Variants in FERMT2 observed in about 807,000 individuals in gnomAD.
FERMT2 encodes FERM domain containing kindlin 2, also known as fermitin family homolog 2.
Under a neutral mutation model 82.7 loss-of-function variants are expected in FERMT2, and 15 were observed. That is an observed-to-expected ratio of 0.18 (90% confidence interval 0.12 to 0.28). The LOEUF is 0.28. Ranked by LOEUF, FERMT2 falls within the 10% of genes least tolerant of loss-of-function variation. The pLI, the probability that FERMT2 is intolerant of heterozygous loss-of-function variation, is 1.00. For missense variants in FERMT2, 645 were observed against 809.4 expected (o/e 0.80, Z 2.46); for synonymous variants, 274 against 271.5 (o/e 1.01, Z -0.09).
At chr14:52,860,539 A>G (rs748650959) in intron 12 of FERMT2, 74 bp from the exon 13 acceptor site, 43 of 1,385,456 alleles carry the variant, frequency 3.1e-5, no homozygotes, top group Non-Finnish European at 4.0e-5. Context: ...AAAGATCAAA[A>G]GATTGAATTA....
In FERMT2 at chr14:52,864,393, G is replaced by C. The variant is rs375366343; in HGVS notation, c.1602+8C>G. 3.8e-5 allele frequency: 60 copies of C among 1,592,638 alleles called. No homozygotes were observed. In the African/African-American group the frequency reaches 7.0e-4, roughly 19 times the overall value. ...AGCACAGTAGATGAAGTAAAATGAA[G>C]TAAGTACCTGCTTGTTCTTATACTT... On this transcript the variant is annotated splice_region_variant and intron_variant, in intron 12 of 14. Coordinates refer to ENST00000341590, the MANE Select transcript of FERMT2 (RefSeq NM_006832.3).
At chr14:52,868,444 T>C (rs534057640) in intron 10 of FERMT2, among the ~76,000 whole-genome samples, 5 of 152,270 alleles carry the variant, frequency 3.3e-5, no homozygotes, top group African/African-American at 9.6e-5. Context: ...GTACTATTTA[T>C]TACCCCAATT....
intron 2 of FERMT2, among the ~76,000 whole-genome samples, chr14:52,925,248 T>C (rs540096565): frequency 6.6e-6 from 1 of 152,202 alleles, no homozygotes; most frequent in African/African-American, 2.4e-5. Context: ...AAAAACTAAC[T>C]GCACATCAAA....
intron 3 of FERMT2, among the ~76,000 whole-genome samples, chr14:52,905,848 A>G: frequency 6.6e-6 from 1 of 152,208 alleles, no homozygotes; most frequent in East Asian, 1.9e-4. Flanking sequence ...TTTTGTTATT[A>G]TATGTAATGC....
chr14:52,924,256 T>C (rs1889126696), intron 2 of FERMT2, among the ~76,000 whole-genome samples: 1 of 152,092 alleles, frequency 6.6e-6, no homozygotes, highest in African/African-American at 2.4e-5. Context: ...GCAGGAGCCT[T>C]GTAGGTCACA....
intron 2 of FERMT2, among the ~76,000 whole-genome samples, chr14:52,936,478 C>T (rs1889842912): frequency 6.6e-6 from 1 of 152,134 alleles, no homozygotes; most frequent in South Asian, 2.1e-4. Context: ...GGGGATAATG[C>T]TAAATCTTTT....
chr14:52,904,316 A>T (rs999272161), intron 3 of FERMT2, among the ~76,000 whole-genome samples: 3 of 152,256 alleles, frequency 2.0e-5, no homozygotes, highest in African/African-American at 7.2e-5. Context: ...CAGGAGTTGG[A>T]GACCAGCCTG....
At chr14:52,887,450 C>A (rs1886679021) in intron 4 of FERMT2, among the ~76,000 whole-genome samples, 1 of 151,726 alleles carries the variant, frequency 6.6e-6, no homozygotes. Context: ...AAGTCTGAGA[C>A]CAGACTGGGT....
At chr14:52,941,661 G>C (rs149479401) in intron 2 of FERMT2, among the ~76,000 whole-genome samples, 7 of 152,248 alleles carry the variant, frequency 4.6e-5, no homozygotes, top group African/African-American at 9.6e-5. Context: ...CATGGCATAA[G>C]CATTAATTTG....
intron 10 of FERMT2, among the ~76,000 whole-genome samples, chr14:52,869,654 T>C (rs1223901539): frequency 1.3e-5 from 2 of 150,542 alleles, no homozygotes; most frequent in East Asian, 3.8e-4. Flanking sequence ...CTGATAATGA[T>C]AAATGACTAT....
intron 2 of FERMT2, among the ~76,000 whole-genome samples, chr14:52,944,468 G>T (rs1030519703): frequency 6.6e-6 from 1 of 152,186 alleles, no homozygotes; most frequent in African/African-American, 2.4e-5. Flanking sequence ...CTAAGCCAGG[G>T]TATAAGGGAG....
chr14:52,878,558 C>T (rs1005265628), intron 7 of FERMT2, 24 bp downstream of exon 7: 3 of 1,410,814 alleles, frequency 2.1e-6, no homozygotes, highest in Admixed American at 3.6e-5. Context: ...GGAATAAGTC[C>T]CATTTACTAG....
At chr14:52,910,782 G>A (rs1285646496) in intron 3 of FERMT2, among the ~76,000 whole-genome samples, 1 of 152,074 alleles carries the variant, frequency 6.6e-6, no homozygotes, top group African/African-American at 2.4e-5. Flanking sequence ...TTCAGTGTTT[G>A]GCACACCCTT....
At chr14:52,927,089 AC>A (rs770448737) in intron 2 of FERMT2, among the ~76,000 whole-genome samples, 2 of 152,022 alleles carry the variant, frequency 1.3e-5, no homozygotes, top group African/African-American at 2.4e-5. Flanking sequence ...TCCTCCCTCA[AC>A]TGTAACAGAA....
At position 52,878,666 on chromosome 14, in the gene FERMT2, C is replaced by T. The variant is rs1182881964; in HGVS notation, c.879G>A (p.Gln293=). 3 of 1,572,694 alleles carry T rather than the reference C, an allele frequency of 1.9e-6. No individual in the cohort carries two copies. Among genetic ancestry groups the T allele is most frequent in the Non-Finnish European group, 2.6e-6 (3 of 1,147,870 alleles). ...TGGCCCATTTGGCCTGCTCGTAAAGCTGATTGATTCTGATTGCATCATACT... is the reference window on the plus strand; with the variant it reads ...TGGCCCATTTGGCCTGCTCGTAAAGTTGATTGATTCTGATTGCATCATACT... ...NPKYDAIRIN[Q]LYEQAKWAIL... Residue 293 remains glutamine (Q), a synonymous_variant, in exon 7 of 15, where the codon CAG becomes CAA. Transcript: ENST00000341590.
At chr14:52,899,735 CAAT>C (rs1246976815) in intron 3 of FERMT2, among the ~76,000 whole-genome samples, 2 of 152,206 alleles carry the variant, frequency 1.3e-5, no homozygotes, top group African/African-American at 4.8e-5. Flanking sequence ...TTCATTACAA[CAAT>C]AACAAAGTAA....
chr14:52,897,263 A>G (rs1210362952), intron 3 of FERMT2, among the ~76,000 whole-genome samples: 1 of 152,028 alleles, frequency 6.6e-6, no homozygotes, highest in African/African-American at 2.4e-5. Flanking sequence ...CCCATTATAA[A>G]TAATATTTAA....
intron 3 of FERMT2, among the ~76,000 whole-genome samples, chr14:52,910,389 T>C (rs955433639): frequency 8.5e-5 from 13 of 152,064 alleles, no homozygotes; most frequent in African/African-American, 3.1e-4. Flanking sequence ...ACACAAAATA[T>C]GTTATTTTAT....
At chr14:52,920,641 C>CA (rs1888907377) in intron 2 of FERMT2, among the ~76,000 whole-genome samples, 1 of 151,052 alleles carries the variant, frequency 6.6e-6, no homozygotes, top group Non-Finnish European at 1.5e-5. Context: ...TCAAGGAAAA[C>CA]AACTTCCAGG....
Sources: allele counts gnomAD v4.1 joint callset (sites outside exome capture counted in the v4.1 genomes callset), GRCh38; gene constraint gnomAD v4.1.1; transcripts MANE v1.5; gene names NCBI Gene and HGNC (gene_info 2026-07-23, HGNC 2026-07-21).